The following MORC1 variants were observed in gnomAD, a reference collection of about 807,000 sequenced individuals.
MORC1 encodes the protein MORC family CW-type zinc finger protein 1.
MORC1 carries 59 observed loss-of-function variants against 134.9 expected under a neutral mutation model. The ratio of observed to expected loss-of-function variants is 0.44; its 90% CI spans 0.35 to 0.54. MORC1 has a LOEUF of 0.54. MORC1 is among the 20% of genes least tolerant of loss of function. MORC1 has a pLI of 0.00. For missense variants in MORC1, 947 were observed against 1,134.5 expected, an observed-to-expected ratio of 0.83 and a Z score of 2.37; for synonymous variants, 395 against 391.7, an observed-to-expected ratio of 1.01 and a Z score of -0.10.
chr3:109,038,610 T>C (rs1047976295), intron 14 of MORC1, among the ~76,000 whole-genome samples: 8 of 152,214 alleles, frequency 5.3e-5, no homozygotes, highest in African/African-American at 1.9e-4. Flanking sequence ...GAGTTAATTT[T>C]TGTAAAGGGT....
chr3:108,972,190 G>A (rs1947401937), intron 24 of MORC1, among the ~76,000 whole-genome samples: 1 of 152,118 alleles, frequency 6.6e-6, no homozygotes, highest in Non-Finnish European at 1.5e-5. Context: ...CTTCTACTGT[G>A]ACAGCTTTTC....
chr3:108,979,953 T>C (rs779594795), intron 23 of MORC1, among the ~76,000 whole-genome samples: 5 of 152,178 alleles, frequency 3.3e-5, no homozygotes, highest in African/African-American at 4.8e-5. Context: ...TGTCTTTCAC[T>C]TGATGAAAGA....
Position 109,059,768 on chromosome 3 carries a change from A to G in MORC1, c.1031+38T>C, listed in dbSNP as rs377672141. 31 of 1,582,686 alleles carry G rather than the reference A, an allele frequency of 2.0e-5. No homozygotes were observed. The African/African-American group carries it at 3.4e-4, about 17-fold the overall frequency. On this transcript the variant is annotated intron_variant, in intron 12 of 27. Coordinates refer to ENST00000232603, the MANE Select transcript of MORC1 (RefSeq NM_014429.4). ...AAACCAGAATTTGTTTTAACAGAGT[A>G]CAGAGGATTCCTGCAAACAGAAAAC...
Position 109,007,058 on chromosome 3 carries a change from T to C in MORC1, c.1738A>G (p.Thr580Ala). Reference sequence around the variant, plus strand: ...TGTGCTGAAGTTAGGCAGGTGGAAGTGACAGTGATTTCGTCCACTGGTATA... The same window carrying C: ...TGTGCTGAAGTTAGGCAGGTGGAAGCGACAGTGATTTCGTCCACTGGTATA... Reference protein sequence around the residue: ...QFIPVDEITVTSTCLTSAHKE... With the variant: ...QFIPVDEITVASTCLTSAHKE... The change falls in exon 18 of 28, where the codon ACT becomes GCT. Residue 580 changes from threonine (T) to alanine (A), a missense_variant. By Grantham distance (58) the Thr-to-Ala change is moderately conservative. Transcript: ENST00000232603. 6.2e-7 allele frequency: 1 copy of C among 1,612,638 alleles called. No homozygotes were observed. Among genetic ancestry groups the C allele is most frequent in the Non-Finnish European group, 8.5e-7 (1 of 1,179,324 alleles).
At chr3:109,080,031 C>T (rs933830288) in intron 8 of MORC1, among the ~76,000 whole-genome samples, 5 of 152,064 alleles carry the variant, frequency 3.3e-5, no homozygotes, top group African/African-American at 1.2e-4. Flanking sequence ...CTCAACAACC[C>T]CTGGATATAA....
intron 22 of MORC1, 71 bp from the exon 23 acceptor site, chr3:108,984,853 G>C (rs1947854124): frequency 8.0e-7 from 1 of 1,249,098 alleles, no homozygotes. Context: ...AGAAATGTTA[G>C]CAGTTCATTA....
At chr3:109,107,606 T>A (rs1300376881) in intron 3 of MORC1, among the ~76,000 whole-genome samples, 1 of 152,178 alleles carries the variant, frequency 6.6e-6, no homozygotes, top group Non-Finnish European at 1.5e-5. Context: ...AATTAATTAG[T>A]TGACAGAAAT....
chr3:108,968,303 C>G (rs555165514), intron 26 of MORC1, among the ~76,000 whole-genome samples: 1 of 152,310 alleles, frequency 6.6e-6, no homozygotes, highest in East Asian at 1.9e-4. Flanking sequence ...AATTACACCT[C>G]CCCTTTTATT....
chr3:109,027,142 A>T (rs564630831), intron 17 of MORC1, among the ~76,000 whole-genome samples: 1 of 152,232 alleles, frequency 6.6e-6, no homozygotes, highest in African/African-American at 2.4e-5. Flanking sequence ...CTTCACATTT[A>T]AAAAATGATG....
At chr3:109,002,970 A>G (rs927724285) in intron 20 of MORC1, among the ~76,000 whole-genome samples, 1 of 152,150 alleles carries the variant, frequency 6.6e-6, no homozygotes, top group African/African-American at 2.4e-5. Flanking sequence ...ATTGCTTAGA[A>G]GTGCTTTTCC....
At chr3:109,110,197 G>A (rs1367436260) in intron 3 of MORC1, 1 of 152,368 alleles carries the variant, frequency 6.6e-6, no homozygotes, top group Non-Finnish European at 1.5e-5. Flanking sequence ...ACAGAAATGT[G>A]GTAGGGATGC....
chr3:109,101,312 C>G (rs1055120827), intron 4 of MORC1: 8 of 152,198 alleles, frequency 5.3e-5, no homozygotes, highest in Non-Finnish European at 1.0e-4. Flanking sequence ...AGGATGACCT[C>G]TGCTCTGATA....
rs1950038686 is a variant in MORC1, at chr3:109,059,790, A to T, written c.1031+16T>A. 4.4e-6 allele frequency: 7 copies of T among 1,607,788 alleles called. No individual in the cohort carries two copies. Among genetic ancestry groups the T allele is most frequent in the Non-Finnish European group, 5.1e-6 (6 of 1,176,410 alleles). ...AGTACAGAGGATTCCTGCAAACAGA[A>T]AACCTTGTGTCTTACCTTTGTTTCT... On this transcript the variant is annotated intron_variant, in intron 12 of 27. Coordinates refer to ENST00000232603, the MANE Select transcript of MORC1 (RefSeq NM_014429.4).
intron 21 of MORC1, 112 bp downstream of exon 21, chr3:109,000,445 A>G (rs1326701132): frequency 6.4e-6 from 5 of 785,172 alleles, no homozygotes; most frequent in African/African-American, 3.5e-5. Context: ...CTTCATCTCA[A>G]AACTAGGTTT....
chr3:109,035,208 C>A (rs1949345918), intron 15 of MORC1, 132 bp downstream of exon 15: 3 of 775,558 alleles, frequency 3.9e-6, no homozygotes, highest in Admixed American at 6.9e-5. Context: ...TTATAACTTT[C>A]TTCCAGACTG....
Position 108,969,673 on chromosome 3 carries a change from T to C in MORC1, c.2600A>G (p.Asn867Ser), listed in dbSNP as rs778654335. ...TGATACTGAAAGGAAGCTTACCTGG[T>C]TGAAACACATTTTCAGCTTTTTGTT... ...QMNKKLKMCFNQIQNTYMVQY... is the reference protein window; with the variant it reads ...QMNKKLKMCFSQIQNTYMVQY... Residue 867 changes from asparagine to serine, a missense_variant, in exon 26 of 28, where the codon AAC (asparagine) becomes AGC (serine). Asn to Ser is a conservative substitution (Grantham distance 46). This residue lies in a region of MORC1 where 722 missense variants were observed against 817.0 expected (regional missense o/e 0.88). Coordinates refer to ENST00000232603, the MANE Select transcript of MORC1 (RefSeq NM_014429.4). 6.2e-7 allele frequency: 1 copy of C among 1,613,628 alleles called. No individual in the cohort carries two copies. Among genetic ancestry groups the C allele is most frequent in the South Asian group, 1.1e-5 (1 of 91,080 alleles).
At chr3:109,069,605 G>C in intron 9 of MORC1, 27 bp downstream of exon 9, 1 of 1,542,762 alleles carries the variant, frequency 6.5e-7, no homozygotes, top group Non-Finnish European at 8.8e-7. Flanking sequence ...AAAACTCTGT[G>C]AAGATAACTG....
intron 21 of MORC1, among the ~76,000 whole-genome samples, chr3:108,995,336 G>T (rs945150389): frequency 6.6e-6 from 1 of 152,188 alleles, no homozygotes; most frequent in African/African-American, 2.4e-5. Context: ...CTTCCCATCC[G>T]GGATTAACTG....
intron 21 of MORC1, among the ~76,000 whole-genome samples, chr3:108,996,280 G>GTGCGCGCA (rs970349965): frequency 3.6e-4 from 18 of 50,518 alleles, no homozygotes; most frequent in Non-Finnish European, 9.1e-4. Context: ...GTGCGTGCGC[G>GTGCGCGCA]CGCGCGCACA....
Sources: allele counts gnomAD v4.1 joint callset (sites outside exome capture counted in the v4.1 genomes callset), GRCh38; gene constraint gnomAD v4.1.1; regional missense constraint gnomAD v4.1.1; transcripts MANE v1.5; gene names NCBI Gene and HGNC (gene_info 2026-07-23, HGNC 2026-07-21).